Variants in ZNF540 observed in about 807,000 individuals in gnomAD.
The protein encoded by ZNF540 is CTD-3064H18.6.
A neutral mutation model predicts 11.8 loss-of-function variants in ZNF540; 3 were observed. The observed-to-expected ratio is 0.25, with a 90% CI of 0.12 to 0.65. The LOEUF is 0.65. Ranked by LOEUF, ZNF540 falls within the 30% of genes least tolerant of loss-of-function variation. ZNF540 has a pLI of 0.83. For synonymous variants in ZNF540, 247 were observed against 259.0 expected (o/e 0.95, Z 0.45); for missense variants, 709 against 793.1 (o/e 0.89, Z 1.27).
chr19:37,601,802 T>C (rs886456044), intron 4 of ZNF540, among the ~76,000 whole-genome samples: 4 of 152,206 alleles, frequency 2.6e-5, no homozygotes, highest in South Asian at 4.1e-4. Context: ...CTTTGTGTGT[T>C]TGAAGAACTG....
chr19:37,589,864 CAAAAAAAAAA>C (rs60136941), upstream of ZNF540, among the ~76,000 whole-genome samples: 2 of 29,590 alleles, frequency 6.8e-5, no homozygotes, highest in African/African-American at 3.0e-4. Flanking sequence ...GACTCCATCT[CAAAAAAAAAA>C]AAAAAAAAAA....
chr19:37,597,130 T>C (rs951815824), intron 1 of ZNF540, among the ~76,000 whole-genome samples: 4 of 152,148 alleles, frequency 2.6e-5, no homozygotes, highest in African/African-American at 9.7e-5. Flanking sequence ...AAGGATTAAA[T>C]AGCTATATAT....
At chr19:37,567,957 C>A (rs1436471739) in intron 1 of ZNF540, among the ~76,000 whole-genome samples, 1 of 152,076 alleles carries the variant, frequency 6.6e-6, no homozygotes, top group Non-Finnish European at 1.5e-5. Context: ...GTCTTACTTT[C>A]CAATATTTAT....
chr19:37,583,966 C>G, intron 1 of ZNF540: 1 of 1,599,202 alleles, frequency 6.3e-7, no homozygotes, highest in Non-Finnish European at 8.5e-7. Flanking sequence ...GTAGGATGAT[C>G]TTACCCAATG....
At chr19:37,553,463 G>C (rs1189295624) in intron 1 of ZNF540, among the ~76,000 whole-genome samples, 1 of 151,870 alleles carries the variant, frequency 6.6e-6, no homozygotes. Context: ...GAAGTATTTA[G>C]GCCATTAACA....
intron 1 of ZNF540, among the ~76,000 whole-genome samples, chr19:37,552,748 G>A (rs71354944): frequency 1.3e-5 from 2 of 152,164 alleles, no homozygotes; most frequent in African/African-American, 4.8e-5. Flanking sequence ...AGGAGTTTGA[G>A]ACCAGCTTGG....
chr19:37,588,842 T>C (rs1194009640), intron 1 of ZNF540, among the ~76,000 whole-genome samples: 3 of 152,110 alleles, frequency 2.0e-5, no homozygotes, highest in African/African-American at 7.2e-5. Flanking sequence ...AAAGGTAAAA[T>C]TGGAACCCCA....
intron 4 of ZNF540, among the ~76,000 whole-genome samples, chr19:37,609,180 A>G (rs1435531003): frequency 3.9e-5 from 6 of 152,170 alleles, no homozygotes; most frequent in African/African-American, 7.2e-5. Context: ...ATACTTCTCT[A>G]TCAAGTATAG....
At chr19:37,588,427 G>A (rs999266174) in intron 1 of ZNF540, among the ~76,000 whole-genome samples, 19 of 152,170 alleles carry the variant, frequency 1.2e-4, no homozygotes, top group Non-Finnish European at 7.3e-5. Flanking sequence ...TGTGGCTAGA[G>A]GCCATTATCC....
At chr19:37,581,278 AATG>A (rs1341761746) in intron 1 of ZNF540, among the ~76,000 whole-genome samples, 2 of 152,164 alleles carry the variant, frequency 1.3e-5, no homozygotes, top group African/African-American at 4.8e-5. Context: ...TCTTTTTAAT[AATG>A]ATTAGCACAA....
Position 37,612,928 on chromosome 19 carries a change from C to T in ZNF540, c.1648C>T (p.Pro550Ser), listed in dbSNP as rs766055873. 2 of 1,614,100 alleles carry T rather than the reference C, an allele frequency of 1.2e-6. No homozygotes were observed. Among genetic ancestry groups the T allele is most frequent in the Admixed American group, 1.7e-5 (1 of 60,026 alleles). The change falls in exon 5 of 5, where the codon CCC becomes TCC. Residue 550 changes from proline (P) to serine (S), a missense_variant. Coordinates refer to ENST00000316433, the MANE Select transcript of ZNF540 (RefSeq NM_001172225.3). ...TCTGAAAATTCATTCTGGTTTAAAA[C>T]CCTATGACTGTAAAGAATGTGGGAA... ...EHLKIHSGLK[P>S]YDCKECGKSF...
chr19:37,559,364 T>A (rs2042693846), intron 1 of ZNF540, among the ~76,000 whole-genome samples: 1 of 152,236 alleles, frequency 6.6e-6, no homozygotes, highest in Non-Finnish European at 1.5e-5. Context: ...TCAGTTGTAA[T>A]ATATTCTATA....
chr19:37,577,728 C>A (rs1365263946), intron 1 of ZNF540, among the ~76,000 whole-genome samples: 1 of 152,152 alleles, frequency 6.6e-6, no homozygotes, highest in Non-Finnish European at 1.5e-5. Context: ...TAAATTTACT[C>A]AAATTTTAAT....
intron 1 of ZNF540, among the ~76,000 whole-genome samples, chr19:37,570,797 G>C (rs888082530): frequency 6.6e-6 from 1 of 151,960 alleles, no homozygotes; most frequent in African/African-American, 2.4e-5. Flanking sequence ...ATAAATAGAA[G>C]GCATTATAGC....
At chr19:37,579,047 C>A (rs769223198) in intron 1 of ZNF540, among the ~76,000 whole-genome samples, 2 of 152,248 alleles carry the variant, frequency 1.3e-5, no homozygotes, top group Admixed American at 6.5e-5. Flanking sequence ...CTGCCCCCAC[C>A]TGAACATTTC....
upstream of ZNF540, among the ~76,000 whole-genome samples, chr19:37,592,479 TG>T (rs2043897058): frequency 6.6e-6 from 1 of 152,238 alleles, no homozygotes; most frequent in African/African-American, 2.4e-5. Flanking sequence ...GTAATACCTA[TG>T]AGTTTTTGTC....
At chr19:37,587,780 C>T (rs374780512) in intron 1 of ZNF540, among the ~76,000 whole-genome samples, 2 of 152,178 alleles carry the variant, frequency 1.3e-5, no homozygotes, top group South Asian at 2.1e-4. Context: ...GTCCTCCCCG[C>T]TAACCAATTT....
chr19:37,612,089 C>T lies in ZNF540; in HGVS notation c.809C>T (p.Pro270Leu). 6.2e-7 allele frequency: 1 copy of T among 1,611,644 alleles called. No individual in the cohort carries two copies. The highest frequency in any genetic ancestry group is 8.5e-7 in the Non-Finnish European group (1 of 1,179,608). Residue 270 changes from proline to leucine, a missense_variant, in exon 5 of 5, where the codon CCC becomes CTC. Transcript: ENST00000316433. ...CAGAAAATTCACACTGGTAAAAAAC[C>T]CTATATGTGTAAGAAATGTGATAAG... ...RHQKIHTGKK[P>L]YMCKKCDKGF...
At chr19:37,559,532 AAAAG>A (rs1425233078) in intron 1 of ZNF540, among the ~76,000 whole-genome samples, 5 of 152,218 alleles carry the variant, frequency 3.3e-5, no homozygotes, top group Non-Finnish European at 7.3e-5. Context: ...GGCATTTTGA[AAAAG>A]AAAAGCAAGG....
Sources: gnomAD v4.1 joint callset for allele counts (sites outside exome capture counted in the v4.1 genomes callset) on GRCh38, gnomAD v4.1.1 for gene constraint, MANE v1.5 for transcripts, NCBI Gene and HGNC (gene_info 2026-07-23, HGNC 2026-07-21) for gene names.